CFH: variants seen among roughly 807,000 people sequenced by gnomAD.
CFH encodes H factor 1 (complement).
A neutral mutation model predicts 147.3 loss-of-function variants in CFH; 53 were observed. The observed-to-expected ratio is 0.36, with a 90% confidence interval of 0.29 to 0.45. CFH has a LOEUF of 0.45. Among genes scored for constraint, CFH ranks in the 20% least tolerant of loss-of-function variants. The pLI is 1.00. For synonymous variants in CFH, 536 were observed against 489.4 expected (o/e 1.10, Z -1.26); for missense variants, 1,380 against 1,498.0 (o/e 0.92, Z 1.30).
chr1:196,739,522 C>T (rs34279302), intron 17 of CFH, among the ~76,000 whole-genome samples: 2 of 152,118 alleles, frequency 1.3e-5, no homozygotes, highest in African/African-American at 4.8e-5. Flanking sequence ...GACCTTTACT[C>T]CAGTTTCAAA....
chr1:196,724,249 A>G (rs1669073813), intron 11 of CFH, among the ~76,000 whole-genome samples: 1 of 151,868 alleles, frequency 6.6e-6, no homozygotes, highest in African/African-American at 2.4e-5. Context: ...AGCAGGTGAC[A>G]GGGAATATTT....
rs1034393908 is a variant in CFH, at chr1:196,724,721, C to T, written c.1697-400C>T. On this transcript the variant is annotated intron_variant, in intron 11 of 21. Transcript: ENST00000367429. The stretch of plus-strand genomic sequence containing the variant: ...TTTCTGAGGAGAACTTGTGTCCAAA[C>T]TCCTTAGTCAGTCATCTTGTTTTCA... Among the ~76,000 whole-genome samples the T allele has an allele frequency of 1.2e-4, 19 of 152,196 alleles. 1 individual carries two copies. Among genetic ancestry groups the T allele is most frequent in the Admixed American group, 1.0e-3 (16 of 15,278 alleles).
rs771886580 is a variant in CFH, at chr1:196,673,114, A to G, written c.195A>G (p.Val65=). The G allele has an allele frequency of 1.2e-6, 2 of 1,613,790 alleles. No individual in the cohort carries two copies. The highest frequency in any genetic ancestry group is 2.7e-5 in the African/African-American group (2 of 74,900). The part of the protein sequence containing the change: ...GYRSLGNVIM[V]CRKGEWVALN... ...GATCTCTTGGAAATGTAATAATGGT[A>G]TGCAGGAAGGGAGAATGGGTTGCTC... The change falls in exon 2 of 22, where the codon GTA becomes GTG. Residue 65 remains valine (V), a synonymous_variant. Coordinates refer to ENST00000367429, the MANE Select transcript of CFH (RefSeq NM_000186.4).
At chr1:196,689,976 T>G in intron 8 of CFH, 87 bp from the exon 9 acceptor site, 1 of 1,349,718 alleles carries the variant, frequency 7.4e-7, no homozygotes, top group Non-Finnish European at 1.0e-6. Flanking sequence ...CTTATTTAAA[T>G]ATTGTAAAAA....
chr1:196,657,417 G>A (rs1048984937), intron 1 of CFH, among the ~76,000 whole-genome samples: 1 of 152,108 alleles, frequency 6.6e-6, no homozygotes. Context: ...ATGTGAATTT[G>A]TTTCAACTAA....
chr1:196,691,241 C>T (rs1352349878), intron 9 of CFH, among the ~76,000 whole-genome samples: 3 of 151,550 alleles, frequency 2.0e-5, no homozygotes, highest in Non-Finnish European at 2.9e-5. Context: ...ACGATGATAC[C>T]CAATAATTCA....
At chr1:196,720,196 G>A (rs1425673312) in intron 11 of CFH, among the ~76,000 whole-genome samples, 2 of 151,626 alleles carry the variant, frequency 1.3e-5, no homozygotes, top group Admixed American at 6.6e-5. Context: ...CATTATTCTC[G>A]GGATCCTCCC....
intron 6 of CFH, among the ~76,000 whole-genome samples, chr1:196,681,105 C>T (rs1416382475): frequency 6.6e-6 from 1 of 151,744 alleles, no homozygotes; most frequent in African/African-American, 2.4e-5. Context: ...ATATTATTTC[C>T]AGAGCCCCTC....
rs959798856 is a variant in CFH, at chr1:196,728,300, T to C, written c.2237-46T>C. On this transcript the variant is annotated intron_variant, in intron 14 of 21. Transcript: ENST00000367429. ...AACTATTTTTATGTAATAGTTGGTT[T>C]GATTCCTATCATTTGAATTTTCATA... 3.9e-5 allele frequency: 47 copies of C among 1,216,918 alleles called. No individual in the cohort carries two copies. In the Middle Eastern group the frequency reaches 8.7e-4, roughly 23 times the overall value. 75.4% of individuals were successfully genotyped at this position (1,216,918 alleles called of 1,614,324 possible).
chr1:196,669,128 A>C (rs917381115), intron 1 of CFH, among the ~76,000 whole-genome samples: 2 of 152,174 alleles, frequency 1.3e-5, no homozygotes, highest in African/African-American at 4.8e-5. Flanking sequence ...GTTTTAGCAA[A>C]GAGATTGGCA....
intron 18 of CFH, 191 bp from the exon 19 acceptor site, chr1:196,741,684 T>A (rs181075256): frequency 1.7e-6 from 1 of 581,608 alleles, no homozygotes; most frequent in African/African-American, 1.9e-5. Flanking sequence ...TTCTATCTTG[T>A]ATTTTTAATA....
At chr1:196,667,832 C>A (rs1392439588) in intron 1 of CFH, among the ~76,000 whole-genome samples, 1 of 151,982 alleles carries the variant, frequency 6.6e-6, no homozygotes, top group Non-Finnish European at 1.5e-5. Context: ...TTTTATGTAT[C>A]TCAATATTAT....
chr1:196,725,985 T>C (rs1669127260), intron 12 of CFH, among the ~76,000 whole-genome samples: 1 of 152,214 alleles, frequency 6.6e-6, no homozygotes, highest in African/African-American at 2.4e-5. Context: ...TTCATTTTGC[T>C]TGAAATGTCA....
intron 1 of CFH, among the ~76,000 whole-genome samples, chr1:196,666,159 A>G (rs1372306750): frequency 1.3e-5 from 2 of 152,182 alleles, no homozygotes; most frequent in African/African-American, 4.8e-5. Context: ...TATAGGTCAC[A>G]TCCATGCCCG....
chr1:196,717,009 G>A (rs1225416920), intron 11 of CFH, among the ~76,000 whole-genome samples: 1 of 151,866 alleles, frequency 6.6e-6, no homozygotes, highest in Non-Finnish European at 1.5e-5. Flanking sequence ...TCAAGATGAA[G>A]CCCTGAAACA....
rs1667714966 is a variant in CFH, at chr1:196,683,210, T to C, written c.791-1854T>C. Among the ~76,000 whole-genome samples the C allele has an allele frequency of 2.6e-5, 4 of 151,620 alleles. No individual in the cohort carries two copies. In the South Asian group the frequency reaches 8.3e-4, roughly 31 times the overall value. Reference sequence around the variant, plus strand: ...AAGGAGAAGCAGGAGAACATAAATATATAAGGTAATGGAGAACACCAAAAA... The same window carrying C: ...AAGGAGAAGCAGGAGAACATAAATACATAAGGTAATGGAGAACACCAAAAA... On this transcript the variant is annotated intron_variant, in intron 6 of 21. Transcript: ENST00000367429.
intron 11 of CFH, among the ~76,000 whole-genome samples, chr1:196,717,095 C>G (rs1174935924): frequency 2.0e-5 from 3 of 151,774 alleles, no homozygotes; most frequent in Non-Finnish European, 4.4e-5. Context: ...CCCAGAGAAA[C>G]AGGAGAAAAA....
At chr1:196,685,373 T>C in intron 7 of CFH, 136 bp downstream of exon 7, 1 of 930,508 alleles carries the variant, frequency 1.1e-6, no homozygotes, top group South Asian at 1.5e-5. Flanking sequence ...CATTCTTTAG[T>C]TTTCGAAGTT....
intron 1 of CFH, among the ~76,000 whole-genome samples, chr1:196,656,634 A>G (rs2149066745): frequency 6.7e-6 from 1 of 148,512 alleles, no homozygotes; most frequent in South Asian, 2.1e-4. Context: ...TTTTTCCATC[A>G]CTTTAACTTC....
Sources: allele counts gnomAD v4.1 joint callset (sites outside exome capture counted in the v4.1 genomes callset), GRCh38; gene constraint gnomAD v4.1.1; transcripts MANE v1.5; gene names NCBI Gene and HGNC (gene_info 2026-07-23, HGNC 2026-07-21).